GAPVD1: variants seen among roughly 807,000 people sequenced by gnomAD.
The protein encoded by GAPVD1 is GTPase-activating protein and VPS9 domain-containing protein 1.
In GAPVD1, 35 loss-of-function variants were observed where a neutral mutation model predicts 155.5. The observed-to-expected ratio is 0.23, with a 90% CI of 0.17 to 0.30. GAPVD1 has a LOEUF of 0.30. GAPVD1 is among the 10% of genes least tolerant of loss of function. The probability of loss-of-function intolerance (pLI) is 1.00; values close to 1 mark genes in which losing one functional copy is unlikely to be tolerated. For missense variants in GAPVD1, 1,429 were observed against 1,775.7 expected (o/e 0.80, Z 3.51); for synonymous variants, 636 against 619.7 (o/e 1.03, Z -0.39).
intron 2 of GAPVD1, among the ~76,000 whole-genome samples, chr9:125,274,268 TC>T (rs1835391079): frequency 3.9e-5 from 6 of 152,024 alleles, no homozygotes; most frequent in Non-Finnish European, 7.3e-5. Context: ...TCTGCCGGCC[TC>T]GGCCTCTCAA....
At chr9:125,278,311 A>G (rs1423453080) in intron 2 of GAPVD1, among the ~76,000 whole-genome samples, 1 of 152,086 alleles carries the variant, frequency 6.6e-6, no homozygotes, top group Non-Finnish European at 1.5e-5. Flanking sequence ...ACCTGAGGCC[A>G]GGAGTTGGAG....
At chr9:125,327,889 C>T (rs1242578970) in intron 12 of GAPVD1, among the ~76,000 whole-genome samples, 1 of 152,140 alleles carries the variant, frequency 6.6e-6, no homozygotes, top group African/African-American at 2.4e-5. Flanking sequence ...GGAGTTAGAC[C>T]CACATGGCCA....
rs1554753037 is a variant in GAPVD1 at position 125,283,028 on chromosome 9, T to TTTTTTTTATTTA, written c.-149-12427_-149-12426insTTTTATTTATTT. The stretch of plus-strand genomic sequence containing the variant: ...GCTGTTACTTAAAGTTTATTTTTAT[T>TTTTTTTTATTTA]TTTATTTATTTATTTATTTATTTAT... On this transcript the variant is annotated intron_variant, in intron 2 of 27. Transcript: ENST00000297933. Among the ~76,000 whole-genome samples the TTTTTTTTATTTA allele has an allele frequency of 6.3e-5, 9 of 143,380 alleles. No individual in the cohort carries two copies. The East Asian group carries it at 1.0e-3, about 16-fold the overall frequency. The allele number at this position is 143,380 out of a possible 152,430, so 94.1% of individuals were successfully genotyped here. A position where few individuals can be genotyped will look rare whatever the true frequency, so the allele number is the denominator to read the frequency against.
chr9:125,343,336 C>T (rs556840170), intron 19 of GAPVD1, among the ~76,000 whole-genome samples: 2 of 152,100 alleles, frequency 1.3e-5, no homozygotes, highest in Admixed American at 1.3e-4. Context: ...GTTCATTTCT[C>T]ACCTCTTTTT....
chr9:125,300,982 A>G (rs1840762884), intron 4 of GAPVD1, among the ~76,000 whole-genome samples: 2 of 152,140 alleles, frequency 1.3e-5, no homozygotes, highest in Admixed American at 1.3e-4. Context: ...CAATATGCTG[A>G]TATCGACTTC....
At chr9:125,269,651 G>T (rs541091845) in intron 2 of GAPVD1, among the ~76,000 whole-genome samples, 4 of 144,894 alleles carry the variant, frequency 2.8e-5, no homozygotes, top group Admixed American at 2.1e-4. Context: ...TCTTGAACTC[G>T]TGACCTCTGG....
chr9:125,317,472 A>G (rs951396001), intron 9 of GAPVD1, among the ~76,000 whole-genome samples: 2 of 151,144 alleles, frequency 1.3e-5, no homozygotes, highest in Non-Finnish European at 3.0e-5. Flanking sequence ...CTAAAAATAC[A>G]AAATTAGCCA....
At chr9:125,263,206 T>C (rs1241425309) in intron 1 of GAPVD1, among the ~76,000 whole-genome samples, 4 of 152,196 alleles carry the variant, frequency 2.6e-5, no homozygotes, top group Non-Finnish European at 1.5e-5. Flanking sequence ...CTGAAATAAT[T>C]TGGGAGGCCG....
At chr9:125,341,592 G>A (rs1220479805) in intron 18 of GAPVD1, 2 of 182,252 alleles carry the variant, frequency 1.1e-5, no homozygotes, top group East Asian at 1.5e-4. Flanking sequence ...AAAATGGGAC[G>A]TTATTGGTAA....
rs182003531 is a variant in GAPVD1, at chr9:125,341,988, A to G, written c.2966-231A>G. On this transcript the variant is annotated intron_variant, in intron 18 of 27. Transcript: ENST00000297933. Reference sequence around the variant, plus strand: ...GTCAGTGGTTTTGATTTTAGTCCCAATGGATTCCTGTTAAATTATTCTTCC... The same window carrying G: ...GTCAGTGGTTTTGATTTTAGTCCCAGTGGATTCCTGTTAAATTATTCTTCC... 9.7e-4 allele frequency: 369 copies of G among 382,354 alleles called. No homozygotes were observed. Among genetic ancestry groups the G allele is most frequent in the African/African-American group, 7.2e-3 (345 of 47,974 alleles). 23.7% of individuals were successfully genotyped at this position (382,354 alleles called of 1,614,324 possible).
rs531054524 is a variant in GAPVD1 at position 125,284,437 on chromosome 9, C to G, written c.-149-11021C>G. Among the ~76,000 whole-genome samples, 894 of 151,802 alleles carry G rather than the reference C, an allele frequency of 5.9e-3. 15 individuals carry two copies. The highest frequency in any genetic ancestry group is 0.02 in the African/African-American group (838 of 41,408). On this transcript the variant is annotated intron_variant, in intron 2 of 27. Transcript: ENST00000297933. ...TCATGATCCGCTCACCTCGGCTTCC[C>G]AAAGTGCTGGGATTACAGGCGTGAG...
chr9:125,339,269 G>A (rs943226676), intron 17 of GAPVD1, among the ~76,000 whole-genome samples: 12 of 152,078 alleles, frequency 7.9e-5, no homozygotes, highest in African/African-American at 1.7e-4. Flanking sequence ...GATTACAGGC[G>A]TGAGCCACCC....
At chr9:125,270,257 C>T (rs768838245) in intron 2 of GAPVD1, among the ~76,000 whole-genome samples, 88 of 151,548 alleles carry the variant, frequency 5.8e-4, no homozygotes, top group Non-Finnish European at 7.7e-4. Context: ...GGAGAAACCC[C>T]GTCTCTACTA....
intron 8 of GAPVD1, among the ~76,000 whole-genome samples, chr9:125,311,884 T>A (rs1231672111): frequency 6.6e-6 from 1 of 152,034 alleles, no homozygotes; most frequent in Non-Finnish European, 1.5e-5. Context: ...CATGCCTGGC[T>A]AATTTTTTGT....
Position 125,350,399 on chromosome 9 carries a change from C to T in GAPVD1, c.3404C>T (p.Pro1135Leu). 6.3e-7 allele frequency: 1 copy of T among 1,592,350 alleles called. No homozygotes were observed. Among genetic ancestry groups the T allele is most frequent in the Non-Finnish European group, 8.6e-7 (1 of 1,160,604 alleles). ...TRNGLPDHTD[P>L]EDNEIVCFLK... ...AATGGTTTACCAGACCACACAGACC[C>T]AGAAGGTAAATTGCTGCAGGATCGT... Residue 1135 changes from proline to leucine, a missense_variant, in exon 22 of 28, where the codon CCA becomes CTA. Transcript: ENST00000297933.
intron 2 of GAPVD1, among the ~76,000 whole-genome samples, chr9:125,293,866 AT>A (rs1839236711): frequency 1.7e-4 from 3 of 17,544 alleles, no homozygotes; most frequent in Admixed American, 1.6e-3. Context: ...ATATATATAT[AT>A]ATATATATAT....
In GAPVD1 at chr9:125,346,941, G is replaced by A; in HGVS notation, c.3169G>A (p.Glu1057Lys). The change falls in exon 20 of 28, where the codon GAG becomes AAG. Residue 1057 changes from glutamate (E) to lysine (K), a missense_variant and splice_region_variant. Coordinates refer to ENST00000297933, the MANE Select transcript of GAPVD1 (RefSeq NM_001282680.3). ...AGCAATGGCAAACTATGAAAGTACA[G>A]GTGATAATCATGACAGAGATTTGAG... ...DGAMANYESTEVMGDGESAHD... is the reference protein window; with the variant it reads ...DGAMANYESTKVMGDGESAHD... The A allele has an allele frequency of 6.2e-7, 1 of 1,612,470 alleles. No individual in the cohort carries two copies. Among genetic ancestry groups the A allele is most frequent in the Non-Finnish European group, 8.5e-7 (1 of 1,178,554 alleles).
At chr9:125,331,852 C>T in intron 13 of GAPVD1, 74 bp from the exon 14 acceptor site, 1 of 1,403,766 alleles carries the variant, frequency 7.1e-7, no homozygotes, top group Non-Finnish European at 1.0e-6. Context: ...CTTTGTTTAT[C>T]TGGGTCACAA....
chr9:125,273,945 T>C (rs1335391997), intron 2 of GAPVD1, among the ~76,000 whole-genome samples: 4 of 151,882 alleles, frequency 2.6e-5, no homozygotes, highest in Non-Finnish European at 5.9e-5. Context: ...AAAAAAAAAT[T>C]ACTAAAGTAA....
Sources: allele counts gnomAD v4.1 joint callset (sites outside exome capture counted in the v4.1 genomes callset), GRCh38; gene constraint gnomAD v4.1.1; transcripts MANE v1.5; gene names NCBI Gene and HGNC (gene_info 2026-07-23, HGNC 2026-07-21).